AKAP13: variants seen among roughly 807,000 people sequenced by gnomAD.
AKAP13 encodes the protein A-kinase anchor protein 13.
A neutral mutation model predicts 264.5 loss-of-function variants in AKAP13; 80 were observed. The ratio of observed to expected loss-of-function variants is 0.30; its 90% CI spans 0.25 to 0.36. The LOEUF is 0.36. AKAP13 is among the 10% of genes least tolerant of loss of function. The pLI is 1.00. For synonymous variants in AKAP13, 1,380 were observed against 1,250.2 expected (o/e 1.10, Z -2.19); for missense variants, 3,712 against 3,435.2 (o/e 1.08, Z -2.01).
At chr15:85,617,342 CA>C (rs1348361218) in intron 8 of AKAP13, among the ~76,000 whole-genome samples, 6 of 152,210 alleles carry the variant, frequency 3.9e-5, no homozygotes, top group Non-Finnish European at 7.3e-5. Flanking sequence ...CTCCGAGGTT[CA>C]AACGATTCTC....
intron 1 of AKAP13, among the ~76,000 whole-genome samples, chr15:85,393,908 C>G (rs1180047865): frequency 1.3e-5 from 2 of 152,280 alleles, no homozygotes; most frequent in East Asian, 3.9e-4. Flanking sequence ...GTGGTCTGCT[C>G]TTAAAGTTTT....
In AKAP13 at chr15:85,637,928, T is replaced by C. The variant is rs535022235; in HGVS notation, c.4162-1446T>C. ...TTAATCTCTGTCACCCAGGCTGGAG[T>C]GCAGTGGCGCGATCTTCACTCACTG... On this transcript the variant is annotated intron_variant, in intron 8 of 36. Transcript: ENST00000394518. Among the ~76,000 whole-genome samples the C allele has an allele frequency of 2.7e-5, 4 of 147,954 alleles. No individual in the cohort carries two copies. The East Asian group carries it at 7.9e-4, about 29-fold the overall frequency.
At chr15:85,674,245 C>T (rs1337259633) in intron 14 of AKAP13, among the ~76,000 whole-genome samples, 1 of 152,142 alleles carries the variant, frequency 6.6e-6, no homozygotes, top group Admixed American at 6.5e-5. Context: ...TTCTCAAAAT[C>T]TGAAACGTTC....
Position 85,399,523 on chromosome 15 carries a change from T to TAAAAAAAAA in AKAP13, c.-12+18732_-12+18733insAAAAAAAAA, listed in dbSNP as rs1367253621. Among the ~76,000 whole-genome samples, 178 of 77,914 alleles carry TAAAAAAAAA rather than the reference T, an allele frequency of 2.3e-3. 1 individual carries two copies. The highest frequency in any genetic ancestry group is 4.0e-3 in the African/African-American group (74 of 18,582). The allele number at this position is 77,914 out of a possible 152,430, so 51.1% of individuals were successfully genotyped here. A position where few individuals can be genotyped will look rare whatever the true frequency, so the allele number is the denominator to read the frequency against. ...GTCTCAAAAAAAAAAAAAAAAAAAA[T>TAAAAAAAAA]AAAAAAATAAAAAAATAAATAAATA... On this transcript the variant is annotated intron_variant, in intron 1 of 36. Transcript: ENST00000394518.
rs149672946 is a variant in AKAP13 at position 85,691,883 on chromosome 15, G to A, written c.5290-1394G>A. 1.4e-3 allele frequency: 675 copies of A among 488,300 alleles called. 3 individuals are homozygous for A. Among genetic ancestry groups the A allele is most frequent in the African/African-American group, 5.6e-3 (287 of 51,258 alleles). 30.2% of individuals were successfully genotyped at this position (488,300 alleles called of 1,614,324 possible). On this transcript the variant is annotated intron_variant, in intron 16 of 36. Coordinates refer to ENST00000394518, the MANE Select transcript of AKAP13 (RefSeq NM_007200.5). ...AAAGAGGTCAGAGAGCACGGCGTAG[G>A]AAGCTTATCTTTCCAACCTAGGGAC...
At chr15:85,511,539 T>G (rs1432424597) in intron 2 of AKAP13, among the ~76,000 whole-genome samples, 1 of 152,188 alleles carries the variant, frequency 6.6e-6, no homozygotes, top group Admixed American at 6.5e-5. Flanking sequence ...AGCCACTAGT[T>G]TTCCTTAGAG....
At chr15:85,622,769 A>G (rs533569917) in intron 8 of AKAP13, among the ~76,000 whole-genome samples, 1 of 152,304 alleles carries the variant, frequency 6.6e-6, no homozygotes, top group African/African-American at 2.4e-5. Flanking sequence ...TTGATAATAG[A>G]GTGCAGTCCC....
chr15:85,562,574 A>AAAAAATATATATATATATATATAT (rs1351834745), intron 5 of AKAP13, among the ~76,000 whole-genome samples: 3 of 77,686 alleles, frequency 3.9e-5, no homozygotes, highest in African/African-American at 1.2e-4. Context: ...CAAAAAAAAA[A>AAAAAATATATATATATATATATAT]ATATATATAT....
At chr15:85,590,931 G>A (rs989583940) in intron 8 of AKAP13, among the ~76,000 whole-genome samples, 2 of 152,132 alleles carry the variant, frequency 1.3e-5, no homozygotes, top group Non-Finnish European at 2.9e-5. Flanking sequence ...ATTACAATAT[G>A]CTATTCACTT....
intron 10 of AKAP13, among the ~76,000 whole-genome samples, chr15:85,652,190 A>G (rs546753203): frequency 2.6e-5 from 4 of 152,356 alleles, no homozygotes; most frequent in East Asian, 1.9e-4. Flanking sequence ...TGTTTTTAAA[A>G]TGTGTATAAA....
chr15:85,562,018 A>G (rs1287971197), intron 5 of AKAP13, among the ~76,000 whole-genome samples: 2 of 152,192 alleles, frequency 1.3e-5, no homozygotes, highest in African/African-American at 4.8e-5. Flanking sequence ...GGCTGGCTCC[A>G]TTACTTAGTA....
intron 1 of AKAP13, among the ~76,000 whole-genome samples, chr15:85,454,320 G>T (rs576472589): frequency 9.7e-4 from 147 of 152,296 alleles, no homozygotes; most frequent in African/African-American, 3.3e-3. Context: ...GGTGGAGTGG[G>T]TTCACAAGGC....
intron 8 of AKAP13, among the ~76,000 whole-genome samples, chr15:85,637,108 C>G (rs1436379889): frequency 2.0e-5 from 3 of 152,130 alleles, no homozygotes; most frequent in African/African-American, 7.2e-5. Context: ...GAATATTGAT[C>G]TATAGTTTTC....
rs201778847 is a variant in AKAP13, at chr15:85,579,624, C to G, written c.1556C>G (p.Ser519Cys). 1 of 1,614,214 alleles carries G rather than the reference C, an allele frequency of 6.2e-7. No homozygotes were observed. Among genetic ancestry groups the G allele is most frequent in the East Asian group, 2.2e-5 (1 of 44,888 alleles). ...TCTAATATTGGCACAGCTGGAGCCTCTGACGTGCACGTCACAAGTAAGCCT... is the reference window on the plus strand; with the variant it reads ...TCTAATATTGGCACAGCTGGAGCCTGTGACGTGCACGTCACAAGTAAGCCT... ...ENSNIGTAGA[S>C]DVHVTSKPVD... Residue 519 changes from serine to cysteine, a missense_variant, in exon 7 of 37, where the codon TCT becomes TGT. This residue lies in a region of AKAP13 where 2,759 missense variants were observed against 2,411.7 expected (regional missense o/e 1.14). Coordinates refer to ENST00000394518, the MANE Select transcript of AKAP13 (RefSeq NM_007200.5).
chr15:85,474,858 A>T (rs546344408), intron 1 of AKAP13, among the ~76,000 whole-genome samples: 3 of 152,338 alleles, frequency 2.0e-5, no homozygotes, highest in South Asian at 2.1e-4. Flanking sequence ...TTAACAAGGT[A>T]ACTGACATTT....
chr15:85,441,305 T>C (rs1161655398), intron 1 of AKAP13, among the ~76,000 whole-genome samples: 6 of 152,212 alleles, frequency 3.9e-5, no homozygotes, highest in Non-Finnish European at 8.8e-5. Flanking sequence ...TTTTCTTTGG[T>C]CAAGTGTCTG....
Position 85,741,452 on chromosome 15 carries a change from C to G in AKAP13, c.8015C>G (p.Ala2672Gly), listed in dbSNP as rs1188815087. ...EREQEQLRRE[A>G]ERLSQRQTER... is the part of the protein sequence containing the mutation. ...GAACAGGAGCAGCTGCGCCGGGAGG[C>G]AGAGCGGCTCAGCCAGCGGCAGACA... Residue 2672 changes from alanine (A) to glycine (G), a missense_variant, in exon 35 of 37, where the codon GCA becomes GGA. Ala to Gly is a moderately conservative substitution (Grantham distance 60). Around this residue, in one of 3 missense-constraint regions of AKAP13, gnomAD observed 611 missense variants for 539.3 expected, o/e 1.13. Transcript: ENST00000394518. 1.2e-6 allele frequency: 2 copies of G among 1,606,416 alleles called. No homozygotes were observed. Among genetic ancestry groups the G allele is most frequent in the African/African-American group, 1.3e-5 (1 of 74,788 alleles).
intron 14 of AKAP13, among the ~76,000 whole-genome samples, chr15:85,673,781 G>C (rs2084060262): frequency 7.0e-6 from 1 of 142,696 alleles, no homozygotes; most frequent in African/African-American, 2.6e-5. Context: ...TGCCTCCCGG[G>C]TTCATGCCAT....
intron 14 of AKAP13, among the ~76,000 whole-genome samples, chr15:85,676,355 G>A (rs903361485): frequency 6.6e-6 from 1 of 152,220 alleles, no homozygotes; most frequent in African/African-American, 2.4e-5. Context: ...TAAGGATTCA[G>A]GAATGGTGCC....
Sources: gnomAD v4.1 joint callset for allele counts (sites outside exome capture counted in the v4.1 genomes callset) on GRCh38, gnomAD v4.1.1 for gene constraint, gnomAD v4.1.1 regional missense constraint, MANE v1.5 for transcripts, NCBI Gene and HGNC (gene_info 2026-07-23, HGNC 2026-07-21) for gene names.